GRIA4: variants seen among roughly 807,000 people sequenced by gnomAD.
GRIA4 encodes the protein glutamate ionotropic receptor AMPA type subunit 4.
In GRIA4, 34 loss-of-function variants were observed where a neutral mutation model predicts 104.0. The observed-to-expected ratio is 0.33, with a 90% CI of 0.25 to 0.44. GRIA4 has a LOEUF of 0.44. GRIA4 is among the 20% of genes least tolerant of loss of function. The pLI, the probability that GRIA4 is intolerant of heterozygous loss-of-function variation, is 1.00. For missense variants in GRIA4, 750 were observed against 1,096.5 expected (o/e 0.68, Z 4.46); for synonymous variants, 386 against 381.9 (o/e 1.01, Z -0.13).
At chr11:105,880,027 C>T (rs1945990352) in intron 5 of GRIA4, among the ~76,000 whole-genome samples, 1 of 151,914 alleles carries the variant, frequency 6.6e-6, no homozygotes, top group Non-Finnish European at 1.5e-5. Flanking sequence ...AAGGAATTAC[C>T]CCTTCCACCC....
At chr11:105,727,435 C>A (rs1938284105) in intron 3 of GRIA4, among the ~76,000 whole-genome samples, 1 of 152,076 alleles carries the variant, frequency 6.6e-6, no homozygotes, top group African/African-American at 2.4e-5. Context: ...GAGAATGGAA[C>A]CAAGTTGGAA....
At chr11:105,963,323 G>T (rs1273421134) in intron 14 of GRIA4, among the ~76,000 whole-genome samples, 1 of 151,984 alleles carries the variant, frequency 6.6e-6, no homozygotes, top group Non-Finnish European at 1.5e-5. Context: ...CATTATATAC[G>T]TGGTTTATGT....
At chr11:105,790,018 G>A (rs1942145789) in intron 4 of GRIA4, among the ~76,000 whole-genome samples, 1 of 152,134 alleles carries the variant, frequency 6.6e-6, no homozygotes, top group Non-Finnish European at 1.5e-5. Context: ...GGGACTTTAT[G>A]CTTCTGCAAG....
At position 105,764,976 on chromosome 11, in the gene GRIA4, C is replaced by G. The variant is rs1181228998; in HGVS notation, c.487+11756C>G. ...GTTGTCAGAATGAGGTCAGCACTAC[C>G]CATTGGAGCAGATGTTACTGTAGCC... On this transcript the variant is annotated intron_variant, in intron 4 of 16. Coordinates refer to ENST00000282499, the MANE Select transcript of GRIA4 (RefSeq NM_000829.4). Among the ~76,000 whole-genome samples the G allele has an allele frequency of 2.6e-5, 4 of 152,104 alleles. No homozygotes were observed. In the East Asian group the frequency reaches 7.7e-4, roughly 29 times the overall value.
At chr11:105,844,847 T>C (rs184535011) in intron 4 of GRIA4, among the ~76,000 whole-genome samples, 251 of 152,328 alleles carry the variant, frequency 1.6e-3, no homozygotes, top group African/African-American at 5.7e-3. Context: ...CATCTATATA[T>C]AGAAACCTGT....
At chr11:105,841,637 G>T (rs1336855343) in intron 4 of GRIA4, among the ~76,000 whole-genome samples, 1 of 152,138 alleles carries the variant, frequency 6.6e-6, no homozygotes, top group Non-Finnish European at 1.5e-5. Flanking sequence ...GATTGAGATG[G>T]TGGTTATAGG....
intron 3 of GRIA4, among the ~76,000 whole-genome samples, chr11:105,667,861 C>T (rs1200362040): frequency 6.6e-6 from 1 of 151,648 alleles, no homozygotes; most frequent in Non-Finnish European, 1.5e-5. Context: ...TTGAAATCTA[C>T]CCTTTTAGAA....
At chr11:105,645,735 C>A (rs1951508104) in intron 3 of GRIA4, among the ~76,000 whole-genome samples, 1 of 152,052 alleles carries the variant, frequency 6.6e-6, no homozygotes, top group Non-Finnish European at 1.5e-5. Context: ...TGTAGAGCTG[C>A]AGAACCAGAA....
chr11:105,779,077 T>A (rs1295113739), intron 4 of GRIA4, among the ~76,000 whole-genome samples: 1 of 151,168 alleles, frequency 6.6e-6, no homozygotes, highest in Non-Finnish European at 1.5e-5. Flanking sequence ...AGAATGATGG[T>A]TTCCAGCTTC....
intron 3 of GRIA4, among the ~76,000 whole-genome samples, chr11:105,622,129 C>T (rs1191587788): frequency 6.6e-6 from 1 of 151,600 alleles, no homozygotes; most frequent in African/African-American, 2.4e-5. Flanking sequence ...TTGATGATGT[C>T]TTTGGCCACA....
chr11:105,958,833 T>C (rs1470676319), intron 14 of GRIA4, among the ~76,000 whole-genome samples: 2 of 152,180 alleles, frequency 1.3e-5, no homozygotes, highest in Admixed American at 6.5e-5. Flanking sequence ...AGCATTTGCT[T>C]GTCTGGAAAG....
intron 4 of GRIA4, among the ~76,000 whole-genome samples, chr11:105,787,229 T>C (rs1942007431): frequency 6.6e-6 from 1 of 152,122 alleles, no homozygotes; most frequent in African/African-American, 2.4e-5. Flanking sequence ...TTCAAATTAA[T>C]TAATAAATTA....
chr11:105,919,002 C>T, intron 11 of GRIA4, 84 bp downstream of exon 11: 1 of 795,604 alleles, frequency 1.3e-6, no homozygotes, highest in Non-Finnish European at 2.2e-6. Context: ...TTTTAAACGT[C>T]TATTATTGTT....
intron 11 of GRIA4, among the ~76,000 whole-genome samples, chr11:105,920,153 T>C (rs1358274995): frequency 6.6e-6 from 1 of 152,022 alleles, no homozygotes; most frequent in East Asian, 1.9e-4. Context: ...ATGAAGCAAT[T>C]GGTTAGTTTT....
intron 5 of GRIA4, among the ~76,000 whole-genome samples, chr11:105,885,862 A>G (rs1326117393): frequency 1.3e-5 from 2 of 152,248 alleles, no homozygotes; most frequent in East Asian, 3.8e-4. Context: ...GGCCAGTGAT[A>G]CCAATATTGC....
At chr11:105,886,426 A>G (rs1946261202) in intron 5 of GRIA4, among the ~76,000 whole-genome samples, 1 of 151,934 alleles carries the variant, frequency 6.6e-6, no homozygotes, top group Non-Finnish European at 1.5e-5. Flanking sequence ...ATAAAACAGT[A>G]TGTTTTATAC....
At position 105,649,189 on chromosome 11, in the gene GRIA4, A is replaced by T. The variant is rs995777711; in HGVS notation, c.247+36755A>T. ...TAAAACAAAAACCATAAGATATCTT[A>T]GGAAGAAATCAATAGAAATGCATTA... On this transcript the variant is annotated intron_variant, in intron 3 of 16. Transcript: ENST00000282499. Among the ~76,000 whole-genome samples the T allele has an allele frequency of 7.2e-5, 11 of 152,348 alleles. 2 individuals carry two copies. The South Asian group carries it at 2.3e-3, about 32-fold the overall frequency.
intron 4 of GRIA4, among the ~76,000 whole-genome samples, chr11:105,857,114 C>G (rs746440256): frequency 4.6e-5 from 7 of 152,086 alleles, no homozygotes; most frequent in Non-Finnish European, 1.0e-4. Context: ...ACCTGGGAGT[C>G]CAGACTGTGG....
At chr11:105,831,500 CACACA>C (rs2135934130) in intron 4 of GRIA4, among the ~76,000 whole-genome samples, 1 of 152,130 alleles carries the variant, frequency 6.6e-6, no homozygotes, top group South Asian at 2.1e-4. Context: ...ACTAAATACA[CACACA>C]ACACTCATTT....
Sources: allele counts gnomAD v4.1 joint callset (sites outside exome capture counted in the v4.1 genomes callset), GRCh38; gene constraint gnomAD v4.1.1; transcripts MANE v1.5; gene names NCBI Gene and HGNC (gene_info 2026-07-23, HGNC 2026-07-21).